TCF4: variants seen among roughly 807,000 people sequenced by gnomAD.
The protein encoded by TCF4 is transcription factor 4.
Under a neutral mutation model 82.1 loss-of-function variants are expected in TCF4, and 3 were observed. The observed-to-expected ratio is 0.04, with a 90% CI of 0.02 to 0.09. TCF4 has a LOEUF of 0.09. Among genes scored for constraint, TCF4 ranks in the 10% least tolerant of loss-of-function variants. TCF4 has a pLI of 1.00. For missense variants in TCF4, 518 were observed against 852.7 expected, an observed-to-expected ratio of 0.61 and a Z score of 4.89; for synonymous variants, 276 against 309.6, an observed-to-expected ratio of 0.89 and a Z score of 1.14.
intron 5 of TCF4, among the ~76,000 whole-genome samples, chr18:55,451,647 G>A (rs2095625414): frequency 6.6e-6 from 1 of 152,178 alleles, no homozygotes; most frequent in African/African-American, 2.4e-5. Flanking sequence ...AGGATGTGAG[G>A]TTCAGGATTC....
chr18:55,456,960 G>T (rs1284939651), intron 5 of TCF4, among the ~76,000 whole-genome samples: 1 of 152,192 alleles, frequency 6.6e-6, no homozygotes, highest in Non-Finnish European at 1.5e-5. Flanking sequence ...TCACAAGGAA[G>T]AAATGATTTA....
chr18:55,341,017 A>C (rs534451479), intron 8 of TCF4, among the ~76,000 whole-genome samples: 2 of 152,306 alleles, frequency 1.3e-5, no homozygotes, highest in South Asian at 4.1e-4. Flanking sequence ...GCTTGGGCAA[A>C]AGTTATAGGA....
intron 12 of TCF4, chr18:55,261,069 CTTTTT>C (rs78112276): frequency 2.8e-4 from 26 of 91,906 alleles, no homozygotes; most frequent in South Asian, 2.0e-3. Context: ...CAGTTATTGT[CTTTTT>C]TTTTTTTTTT....
intron 6 of TCF4, among the ~76,000 whole-genome samples, chr18:55,352,892 T>C (rs1050047696): frequency 6.6e-6 from 1 of 152,168 alleles, no homozygotes; most frequent in Non-Finnish European, 1.5e-5. Flanking sequence ...AAGCTGTGAA[T>C]GATTTGAAAT....
intron 2 of TCF4, among the ~76,000 whole-genome samples, chr18:55,612,582 T>C (rs1374671888): frequency 3.9e-5 from 6 of 152,162 alleles, no homozygotes; most frequent in Non-Finnish European, 7.3e-5. Context: ...CTCCACACTA[T>C]TAATAATTTA....
intron 6 of TCF4, among the ~76,000 whole-genome samples, chr18:55,356,108 G>T (rs113233180): frequency 1.3e-5 from 2 of 152,036 alleles, no homozygotes; most frequent in Non-Finnish European, 2.9e-5. Flanking sequence ...AAAATGTTCC[G>T]CAGAGCCAGG....
rs753296364 is a variant in TCF4, at chr18:55,275,688, T to C, written c.720A>G (p.Gly240=). The C allele has an allele frequency of 1.2e-6, 2 of 1,613,908 alleles. No homozygotes were observed. The highest frequency in any genetic ancestry group is 1.7e-6 in the Non-Finnish European group (2 of 1,179,836). Residue 240 remains glycine, a synonymous_variant, in exon 10 of 20, where the codon GGA becomes GGG. Coordinates refer to ENST00000354452, the MANE Select transcript of TCF4 (RefSeq NM_001083962.2). ...SSGMNQPGYA[G]MLGNSSHIPQ... ...GAATATGAGAAGAGTTGCCCAACAT[T>C]CCTGCATAGCCAGGCTGATTCATCC...
At chr18:55,500,235 C>T (rs1474326177) in intron 3 of TCF4, among the ~76,000 whole-genome samples, 2 of 152,092 alleles carry the variant, frequency 1.3e-5, no homozygotes, top group East Asian at 1.9e-4. Flanking sequence ...TTAGGACCAC[C>T]GACCTGGATG....
At chr18:55,525,893 A>G (rs1228760286) in intron 3 of TCF4, among the ~76,000 whole-genome samples, 1 of 152,190 alleles carries the variant, frequency 6.6e-6, no homozygotes, top group Admixed American at 6.5e-5. Context: ...GCAAAAGAAA[A>G]CAAGGTGGTA....
chr18:55,483,353 A>G (rs564979996), intron 3 of TCF4, among the ~76,000 whole-genome samples: 132 of 152,352 alleles, frequency 8.7e-4, no homozygotes, highest in Non-Finnish European at 1.6e-3. Flanking sequence ...GGCACAATAC[A>G]TCTTTTCTCC....
At chr18:55,458,774 A>C (rs1488173855) in intron 5 of TCF4, among the ~76,000 whole-genome samples, 1 of 152,174 alleles carries the variant, frequency 6.6e-6, no homozygotes, top group Non-Finnish European at 1.5e-5. Context: ...TAAAAAAATT[A>C]TTCTTCTCTA....
chr18:55,506,894 GCT>G lies in TCF4; in HGVS notation c.146-42759_146-42758del, dbSNP rs1021190797. On this transcript the variant is annotated intron_variant, in intron 3 of 19. Transcript: ENST00000354452. ...TTTTTTTTTTTTGAGATGGAGGCTT[GCT>G]CTGTCACTGAGGCTGGAGTGCAGTG... Among the ~76,000 whole-genome samples, 113 of 139,910 alleles carry G rather than the reference GCT, an allele frequency of 8.1e-4. 1 individual carries two copies. Among genetic ancestry groups the G allele is most frequent in the African/African-American group, 2.8e-3 (106 of 37,480 alleles). The allele number at this position is 139,910 out of a possible 152,430, so 91.8% of individuals were successfully genotyped here.
At chr18:55,531,570 GCTA>G (rs1159440180) in intron 3 of TCF4, among the ~76,000 whole-genome samples, 1 of 152,062 alleles carries the variant, frequency 6.6e-6, no homozygotes, top group Non-Finnish European at 1.5e-5. Context: ...TACTACTATG[GCTA>G]CTACTATTTT....
In TCF4 at chr18:55,228,754, T is replaced by G. The variant is rs549454702; in HGVS notation, c.1879+93A>C. 7 of 1,274,896 alleles carry G rather than the reference T, an allele frequency of 5.5e-6. No homozygotes were observed. The South Asian group carries it at 7.4e-5, about 14-fold the overall frequency. The allele number at this position is 1,274,896 out of a possible 1,614,324, so 79.0% of individuals were successfully genotyped here. On this transcript the variant is annotated intron_variant, in intron 18 of 19. Coordinates refer to ENST00000354452, the MANE Select transcript of TCF4 (RefSeq NM_001083962.2). The stretch of plus-strand genomic sequence containing the variant: ...TTTGGAATGATGCTTGAAAGTCTAC[T>G]GTCTGCCACTGCTCAAGACTGGCGT...
At chr18:55,502,960 C>G (rs766136981) in intron 3 of TCF4, among the ~76,000 whole-genome samples, 3 of 152,156 alleles carry the variant, frequency 2.0e-5, no homozygotes, top group Non-Finnish European at 4.4e-5. Flanking sequence ...CATGGTAACA[C>G]TTCAATTTCT....
At chr18:55,605,663 T>C (rs2097701572) in intron 2 of TCF4, among the ~76,000 whole-genome samples, 1 of 152,200 alleles carries the variant, frequency 6.6e-6, no homozygotes, top group African/African-American at 2.4e-5. Flanking sequence ...AAGGAAATCA[T>C]ACCAGTTGCA....
At chr18:55,515,114 C>T (rs994325670) in intron 3 of TCF4, among the ~76,000 whole-genome samples, 1 of 152,092 alleles carries the variant, frequency 6.6e-6, no homozygotes. Flanking sequence ...AAGACAGTTA[C>T]CTGTTCTTGT....
chr18:55,260,900 TA>T (rs1185722920), intron 12 of TCF4, among the ~76,000 whole-genome samples: 1 of 152,114 alleles, frequency 6.6e-6, no homozygotes, highest in African/African-American at 2.4e-5. Context: ...AGCTTTTGAC[TA>T]AAATACCAGA....
chr18:55,265,209 T>C (rs887062106), intron 11 of TCF4: 4 of 152,128 alleles, frequency 2.6e-5, no homozygotes, highest in African/African-American at 7.2e-5. Flanking sequence ...CATGAAGGCA[T>C]CAAAAGAATA....
Sources: gnomAD v4.1 joint callset for allele counts (sites outside exome capture counted in the v4.1 genomes callset) on GRCh38, gnomAD v4.1.1 for gene constraint, MANE v1.5 for transcripts, NCBI Gene and HGNC (gene_info 2026-07-23, HGNC 2026-07-21) for gene names.